Variants in RANBP17 observed in about 807,000 individuals in gnomAD.
The protein encoded by RANBP17 is ran-binding protein 17.
RANBP17 carries 158 observed loss-of-function variants against 141.2 expected under a neutral mutation model. The ratio of observed to expected loss-of-function variants is 1.12; its 90% CI spans 0.98 to 1.28. The LOEUF is 1.28. RANBP17 is among the 50% of genes most tolerant of loss of function. The pLI is 0.00. For synonymous variants in RANBP17, 430 were observed against 450.0 expected, an observed-to-expected ratio of 0.96 and a Z score of 0.56; for missense variants, 1,438 against 1,290.7, an observed-to-expected ratio of 1.11 and a Z score of -1.75.
chr5:170,978,719 A>C (rs1001317464), intron 14 of RANBP17, among the ~76,000 whole-genome samples: 34 of 152,160 alleles, frequency 2.2e-4, no homozygotes, highest in African/African-American at 8.2e-4. Context: ...GAATATTTTG[A>C]CTGGGAAAGT....
intron 14 of RANBP17, among the ~76,000 whole-genome samples, chr5:171,096,984 C>T (rs1359554302): frequency 6.6e-6 from 1 of 152,080 alleles, no homozygotes; most frequent in African/African-American, 2.4e-5. Context: ...TTGATTGTGA[C>T]CATGTAACTA....
rs914405249 is a variant in RANBP17, at chr5:171,183,790, G to A, written c.2038+360G>A. Among the ~76,000 whole-genome samples, 3 of 152,152 alleles carry A rather than the reference G, an allele frequency of 2.0e-5. No homozygotes were observed. The South Asian group carries it at 6.2e-4, about 32-fold the overall frequency. On this transcript the variant is annotated intron_variant, in intron 18 of 27. Transcript: ENST00000523189. ...TCGTCATAGTGATGTCTAAACTAGA[G>A]AAAAAGTAGAAATGATGTAACTGTC...
intron 14 of RANBP17, among the ~76,000 whole-genome samples, chr5:171,058,280 T>C (rs989776356): frequency 6.7e-6 from 1 of 150,236 alleles, no homozygotes; most frequent in African/African-American, 2.4e-5. Context: ...CATTTAGCAT[T>C]AGGTATATCT....
At chr5:171,265,230 A>G (rs17073481) in intron 24 of RANBP17, among the ~76,000 whole-genome samples, 3,258 of 152,314 alleles carry the variant, frequency 0.021, 117 homozygotes, top group African/African-American at 0.073. Flanking sequence ...CTGGGTTCAA[A>G]GAGTTATATA....
intron 14 of RANBP17, among the ~76,000 whole-genome samples, chr5:171,136,410 TTTTTC>T (rs919912067): frequency 1.3e-5 from 2 of 152,060 alleles, no homozygotes; most frequent in African/African-American, 2.4e-5. Flanking sequence ...CTCACCTTTT[TTTTTC>T]TTTTCTTTTC....
intron 12 of RANBP17, among the ~76,000 whole-genome samples, chr5:170,928,524 A>G (rs1276270945): frequency 6.6e-6 from 1 of 152,046 alleles, no homozygotes; most frequent in South Asian, 2.1e-4. Context: ...TTGTGAGTTA[A>G]GGGTCAAGGC....
intron 14 of RANBP17, among the ~76,000 whole-genome samples, chr5:171,009,568 T>C (rs937678296): frequency 6.6e-6 from 1 of 152,212 alleles, no homozygotes; most frequent in African/African-American, 2.4e-5. Context: ...AATTCTAAAC[T>C]AGGTGATCTC....
intron 12 of RANBP17, among the ~76,000 whole-genome samples, chr5:170,937,375 GC>G: frequency 6.6e-6 from 1 of 152,224 alleles, no homozygotes; most frequent in South Asian, 2.1e-4. Context: ...CTTTGCATCA[GC>G]TTTTTTGGAC....
At chr5:171,253,337 C>T (rs749042292) in intron 24 of RANBP17, among the ~76,000 whole-genome samples, 25 of 152,162 alleles carry the variant, frequency 1.6e-4, no homozygotes, top group Non-Finnish European at 2.8e-4. Context: ...TAGAAAGAAT[C>T]GGAATCTGTG....
chr5:171,207,884 A>G (rs1415778633), intron 20 of RANBP17: 1 of 152,210 alleles, frequency 6.6e-6, no homozygotes, highest in Non-Finnish European at 1.5e-5. Context: ...GCTTTATTAA[A>G]ATATTTTGAA....
At chr5:171,083,705 G>A (rs62392974) in intron 14 of RANBP17, among the ~76,000 whole-genome samples, 2 of 152,132 alleles carry the variant, frequency 1.3e-5, no homozygotes. Context: ...CCCACATGTT[G>A]TGGGAGGAAC....
At chr5:171,175,976 A>G (rs556426633) in intron 16 of RANBP17, among the ~76,000 whole-genome samples, 1 of 152,142 alleles carries the variant, frequency 6.6e-6, no homozygotes, top group Admixed American at 6.6e-5. Flanking sequence ...ACAGCAAAGC[A>G]TTAAACCATG....
At chr5:170,882,179 C>T (rs1370038689) in intron 3 of RANBP17, among the ~76,000 whole-genome samples, 1 of 152,020 alleles carries the variant, frequency 6.6e-6, no homozygotes, top group Admixed American at 6.6e-5. Context: ...CGCCTCCTGG[C>T]GTAGCAATTC....
At chr5:171,216,953 T>A (rs1763257873) in intron 21 of RANBP17, among the ~76,000 whole-genome samples, 1 of 152,210 alleles carries the variant, frequency 6.6e-6, no homozygotes, top group African/African-American at 2.4e-5. Flanking sequence ...CTTCATTGAA[T>A]AGGAGTAGTA....
chr5:171,044,089 A>G (rs757250291), intron 14 of RANBP17, among the ~76,000 whole-genome samples: 26 of 152,172 alleles, frequency 1.7e-4, no homozygotes, highest in Non-Finnish European at 2.8e-4. Flanking sequence ...AGAACTAGAA[A>G]TCAATCCTGT....
intron 9 of RANBP17, 109 bp from the exon 10 acceptor site, chr5:170,918,602 ATT>A: frequency 1.3e-6 from 1 of 763,766 alleles, no homozygotes; most frequent in Non-Finnish European, 2.0e-6. Context: ...GACACAGAGT[ATT>A]TTAAGTACTC....
intron 14 of RANBP17, among the ~76,000 whole-genome samples, chr5:170,987,524 A>G (rs892454448): frequency 2.4e-5 from 3 of 123,494 alleles, no homozygotes; most frequent in African/African-American, 8.7e-5. Flanking sequence ...ATACATTAGT[A>G]TTCAGATAGG....
chr5:170,929,432 C>T (rs972968027), intron 12 of RANBP17, among the ~76,000 whole-genome samples: 9 of 152,086 alleles, frequency 5.9e-5, no homozygotes, highest in African/African-American at 1.2e-4. Flanking sequence ...TAATGAATAA[C>T]GTATTATTTT....
chr5:171,008,297 T>C (rs1488076366), intron 14 of RANBP17, among the ~76,000 whole-genome samples: 1 of 152,216 alleles, frequency 6.6e-6, no homozygotes, highest in Non-Finnish European at 1.5e-5. Context: ...GAGATGTTCC[T>C]TGGGCTGGTT....
Sources: gnomAD v4.1 joint callset for allele counts (sites outside exome capture counted in the v4.1 genomes callset) on GRCh38, gnomAD v4.1.1 for gene constraint, MANE v1.5 for transcripts, NCBI Gene and HGNC (gene_info 2026-07-23, HGNC 2026-07-21) for gene names.